CLDN14: variants seen among roughly 807,000 people sequenced by gnomAD.
CLDN14 encodes the protein claudin 14, also known as claudin-14.
In CLDN14, 2 loss-of-function variants were observed where a neutral mutation model predicts 2.1. The ratio of observed to expected loss-of-function variants is 0.96; its 90% CI spans 0.39 to 3.01. The LOEUF (loss-of-function observed/expected upper bound fraction) is 3.01, where lower values mean the gene tolerates loss of function less well. CLDN14 is among the 30% of genes most tolerant of loss of function. The pLI is 0.09. For missense variants in CLDN14, 298 were observed against 328.0 expected (o/e 0.91, Z 0.71); for synonymous variants, 136 against 154.4 (o/e 0.88, Z 0.88).
chr21:36,527,382 G>A (rs2087341433), intron 1 of CLDN14, among the ~76,000 whole-genome samples: 1 of 152,210 alleles, frequency 6.6e-6, no homozygotes, highest in African/African-American at 2.4e-5. Flanking sequence ...TATGCCTTGT[G>A]TAGCTGCGTC....
chr21:36,521,080 A>G (rs192215240), intron 1 of CLDN14, among the ~76,000 whole-genome samples: 2 of 149,400 alleles, frequency 1.3e-5, no homozygotes, highest in East Asian at 3.9e-4. Flanking sequence ...TCAGAAAGAA[A>G]GAAAAAAAAA....
chr21:36,463,691 A>G (rs1000874253), intron 1 of CLDN14, among the ~76,000 whole-genome samples: 1 of 152,348 alleles, frequency 6.6e-6, no homozygotes, highest in Non-Finnish European at 1.5e-5. Flanking sequence ...CAGCCTGGGC[A>G]ACAGAGCAAG....
At chr21:36,504,059 C>T (rs1429306273) in intron 2 of CLDN14, among the ~76,000 whole-genome samples, 1 of 149,452 alleles carries the variant, frequency 6.7e-6, no homozygotes, top group African/African-American at 2.5e-5. Flanking sequence ...GTTAAAAAGG[C>T]CAGATGTGGT....
chr21:36,466,537 T>C (rs1860898394), intron 1 of CLDN14: 1 of 152,148 alleles, frequency 6.6e-6, no homozygotes, highest in African/African-American at 2.4e-5. Flanking sequence ...ATCATGAGAA[T>C]AGCATGGTGG....
At chr21:36,475,496 G>A (rs997110602) in intron 1 of CLDN14, among the ~76,000 whole-genome samples, 2 of 152,170 alleles carry the variant, frequency 1.3e-5, no homozygotes, top group South Asian at 2.1e-4. Flanking sequence ...GGGAATTTTC[G>A]AGCTCCTCTC....
intron 1 of CLDN14, among the ~76,000 whole-genome samples, chr21:36,474,405 C>T (rs2086748452): frequency 6.6e-6 from 1 of 152,152 alleles, no homozygotes; most frequent in Non-Finnish European, 1.5e-5. Context: ...CTTGCTAGAC[C>T]TCATGATGTA....
At chr21:36,472,838 G>T (rs1041290000) in intron 1 of CLDN14, among the ~76,000 whole-genome samples, 4 of 152,084 alleles carry the variant, frequency 2.6e-5, no homozygotes, top group Non-Finnish European at 5.9e-5. Context: ...CATTGTGAGG[G>T]CACCCACCCT....
chr21:36,482,723 T>A (rs576641564), upstream of CLDN14, among the ~76,000 whole-genome samples: 8 of 152,212 alleles, frequency 5.3e-5, no homozygotes, highest in Non-Finnish European at 1.2e-4. Context: ...CTTGCTAGAG[T>A]AAAGGTTGTG....
Position 36,461,600 on chromosome 21 carries a change from C to G in CLDN14, c.96G>C (p.Arg32Ser), listed in dbSNP as rs886057050. 1.9e-6 allele frequency: 3 copies of G among 1,608,396 alleles called. No homozygotes were observed. In the South Asian group the frequency reaches 3.3e-5, roughly 18 times the overall value. Residue 32 changes from arginine to serine, a missense_variant, in exon 2 of 2, where the codon AGG becomes AGC. Physicochemically the swap from Arg to Ser is moderately radical, Grantham distance 110. Transcript: ENST00000399135. ...LITTILPHWR[R>S]TAHVGTNILT... ...GGATGTTGGTGCCCACGTGCGCTGT[C>G]CTCCGCCAGTGCGGCAGGATGGTGG...
rs75901496 is a variant in CLDN14 at position 36,564,887 on chromosome 21, G to C, written c.-220+11524C>G. ...TTGCTCACTTTGAAGGTGGAGAAAGGGGCCACAAGCCAAGGAATGCAGGTG... is the reference window on the plus strand; with the variant it reads ...TTGCTCACTTTGAAGGTGGAGAAAGCGGCCACAAGCCAAGGAATGCAGGTG... On this transcript the variant is annotated intron_variant, in intron 1 of 2. Transcript: ENST00000342108. 4.0e-3 allele frequency among the ~76,000 whole-genome samples: 610 copies of C among 152,270 alleles called. 7 individuals are homozygous for C. The highest frequency in any genetic ancestry group is 0.013 in the African/African-American group (561 of 41,560).
chr21:36,545,598 T>C (rs762189784), intron 1 of CLDN14, among the ~76,000 whole-genome samples: 3 of 151,836 alleles, frequency 2.0e-5, no homozygotes, highest in African/African-American at 7.2e-5. Flanking sequence ...TCAAGCCTCA[T>C]TTTTTTTCCT....
intron 2 of CLDN14, among the ~76,000 whole-genome samples, chr21:36,485,421 C>A (rs1269028757): frequency 2.0e-5 from 3 of 152,144 alleles, no homozygotes; most frequent in Admixed American, 1.3e-4. Context: ...GTTGGCCAGG[C>A]AGGTCTTGAA....
intron 1 of CLDN14, among the ~76,000 whole-genome samples, chr21:36,548,658 T>C (rs2087541352): frequency 6.6e-6 from 1 of 152,136 alleles, no homozygotes; most frequent in African/African-American, 2.4e-5. Flanking sequence ...TATCTCCTGC[T>C]TCTCCCCTCT....
Position 36,499,587 on chromosome 21 carries a change from C to G in CLDN14, c.-82+10776G>C, listed in dbSNP as rs147498900. Among the ~76,000 whole-genome samples, 10 of 152,214 alleles carry G rather than the reference C, an allele frequency of 6.6e-5. No homozygotes were observed. Among genetic ancestry groups the G allele is most frequent in the African/African-American group, 2.2e-4 (9 of 41,542 alleles). ...TACCAGGGCCCCAACCCAGACCTAC[C>G]GAATCAGAATTTCAGGAGGGGAGGT... On this transcript the variant is annotated intron_variant, in intron 2 of 2. Coordinates refer to the CLDN14 transcript ENST00000342108. The surrounding 1 kb of genome is among the most constrained non-coding windows in gnomAD (Gnocchi z 4.7).
chr21:36,560,820 C>CCAGG (rs1555855435), intron 1 of CLDN14, among the ~76,000 whole-genome samples: 1 of 151,664 alleles, frequency 6.6e-6, no homozygotes, highest in Non-Finnish European at 1.5e-5. Flanking sequence ...TCCCTATCCA[C>CCAGG]TAGAAGAGAA....
At chr21:36,519,271 A>G (rs900230795) in intron 1 of CLDN14, among the ~76,000 whole-genome samples, 1 of 152,244 alleles carries the variant, frequency 6.6e-6, no homozygotes, top group African/African-American at 2.4e-5. Context: ...AAATGTGAAA[A>G]TCTGTTCTAT....
At chr21:36,520,425 A>G (rs2087261006) in intron 1 of CLDN14, among the ~76,000 whole-genome samples, 1 of 152,192 alleles carries the variant, frequency 6.6e-6, no homozygotes. Flanking sequence ...TAATTGAATC[A>G]TGGGGGTGGT....
At chr21:36,555,832 TGTGTGTGTGTGTGTGTGTGA>T (rs2087594942) in intron 1 of CLDN14, among the ~76,000 whole-genome samples, 1 of 149,706 alleles carries the variant, frequency 6.7e-6, no homozygotes, top group African/African-American at 2.5e-5. Context: ...TGTGTGTGTG[TGTGTGTGTGTGTGTGTGTGA>T]GAGAGAGAGA....
chr21:36,572,193 G>C (rs868689647), intron 1 of CLDN14, among the ~76,000 whole-genome samples: 1 of 152,128 alleles, frequency 6.6e-6, no homozygotes, highest in African/African-American at 2.4e-5. Context: ...AGTTTGGTTT[G>C]GTTTGTTTTG....
Sources: gnomAD v4.1 joint callset for allele counts (sites outside exome capture counted in the v4.1 genomes callset) on GRCh38, gnomAD v4.1.1 for gene constraint, Gnocchi (gnomAD v3.1) non-coding constraint, MANE v1.5 for transcripts, NCBI Gene and HGNC (gene_info 2026-07-23, HGNC 2026-07-21) for gene names.